PSPC1: variants seen among roughly 807,000 people sequenced by gnomAD.
The protein encoded by PSPC1 is paraspeckle component 1.
Under a neutral mutation model 51.6 loss-of-function variants are expected in PSPC1, and 14 were observed. The observed-to-expected ratio is 0.27, with a 90% CI of 0.18 to 0.42. The LOEUF (loss-of-function observed/expected upper bound fraction) is 0.42, where lower values mean the gene tolerates loss of function less well. Ranked by LOEUF, PSPC1 falls within the 10% of genes least tolerant of loss-of-function variation. The pLI, the probability that PSPC1 is intolerant of heterozygous loss-of-function variation, is 1.00. For missense variants in PSPC1, 406 were observed against 701.1 expected, an observed-to-expected ratio of 0.58 and a Z score of 4.75; for synonymous variants, 193 against 231.9, an observed-to-expected ratio of 0.83 and a Z score of 1.53.
chr13:19,724,465 G>C (rs1225920534), intron 6 of PSPC1, among the ~76,000 whole-genome samples: 2 of 152,180 alleles, frequency 1.3e-5, no homozygotes, highest in East Asian at 3.8e-4. Flanking sequence ...CAGGAAAAGA[G>C]GCTGACTGGT....
At chr13:19,698,809 T>C (rs1291066856), downstream of PSPC1, among the ~76,000 whole-genome samples, 2 of 151,990 alleles carry the variant, frequency 1.3e-5, no homozygotes, top group South Asian at 4.1e-4. Flanking sequence ...AAAAAGATTT[T>C]GTTTAATGTG....
At chr13:19,703,769 C>A (rs1255552252) in intron 8 of PSPC1, among the ~76,000 whole-genome samples, 1 of 151,940 alleles carries the variant, frequency 6.6e-6, no homozygotes, top group Non-Finnish European at 1.5e-5. Flanking sequence ...GGAGCAGCAT[C>A]AATTCGGTTT....
At chr13:19,777,107 G>A (rs1334299153) in intron 1 of PSPC1, among the ~76,000 whole-genome samples, 7 of 130,262 alleles carry the variant, frequency 5.4e-5, no homozygotes, top group East Asian at 2.4e-4. Flanking sequence ...GGGTGACAGC[G>A]AGGCTCCATC....
intron 1 of PSPC1, among the ~76,000 whole-genome samples, chr13:19,774,072 T>C (rs1244165817): frequency 6.6e-6 from 1 of 152,190 alleles, no homozygotes; most frequent in Non-Finnish European, 1.5e-5. Context: ...CGCCATTATA[T>C]AAAGTGTACA....
At chr13:19,705,260 C>T (rs1267970738) in intron 8 of PSPC1, among the ~76,000 whole-genome samples, 3 of 152,266 alleles carry the variant, frequency 2.0e-5, no homozygotes, top group Admixed American at 6.5e-5. Context: ...TTTGGGAGGC[C>T]GAGGCGGGCG....
intron 1 of PSPC1, among the ~76,000 whole-genome samples, chr13:19,776,025 T>C (rs1382893803): frequency 1.3e-5 from 2 of 151,546 alleles, no homozygotes; most frequent in Non-Finnish European, 2.9e-5. Flanking sequence ...CACTCCAGCA[T>C]GGGTGACAGA....
intron 2 of PSPC1, among the ~76,000 whole-genome samples, chr13:19,768,371 G>A (rs2138272764): frequency 1.3e-5 from 2 of 152,222 alleles, no homozygotes; most frequent in East Asian, 3.9e-4. Context: ...GCAGGGGACG[G>A]GCGTGGTGGC....
chr13:19,746,708 A>G (rs553320763), intron 4 of PSPC1, among the ~76,000 whole-genome samples: 10 of 152,240 alleles, frequency 6.6e-5, no homozygotes, highest in African/African-American at 2.4e-4. Flanking sequence ...CTCAAAAAAA[A>G]ATTTTTTTTT....
At chr13:19,732,654 G>A (rs984614409) in intron 5 of PSPC1, among the ~76,000 whole-genome samples, 76 of 152,264 alleles carry the variant, frequency 5.0e-4, no homozygotes, top group African/African-American at 1.5e-3. Flanking sequence ...TTGGCAGGGC[G>A]CGGTGGCTCA....
intron 4 of PSPC1, among the ~76,000 whole-genome samples, chr13:19,750,024 G>A (rs1428737033): frequency 6.6e-6 from 1 of 152,060 alleles, no homozygotes; most frequent in Non-Finnish European, 1.5e-5. Flanking sequence ...AGTGATGTAC[G>A]AAATACTAGA....
intron 3 of PSPC1, among the ~76,000 whole-genome samples, chr13:19,759,060 G>T (rs546592422): frequency 6.6e-6 from 1 of 151,900 alleles, no homozygotes; most frequent in Admixed American, 6.6e-5. Context: ...TGAGGCACGA[G>T]AATCACTTGA....
At chr13:19,756,756 A>G (rs1396328838) in intron 3 of PSPC1, among the ~76,000 whole-genome samples, 1 of 151,694 alleles carries the variant, frequency 6.6e-6, no homozygotes, top group African/African-American at 2.4e-5. Flanking sequence ...CGGCCTCCCA[A>G]AGTGCTAGGA....
chr13:19,717,658 A>G (rs1882264873), intron 6 of PSPC1, among the ~76,000 whole-genome samples: 1 of 149,816 alleles, frequency 6.7e-6, no homozygotes, highest in South Asian at 2.1e-4. Context: ...ATGAGCCATG[A>G]TAACACCACT....
chr13:19,690,422 G>A (rs1028498711), intron 6 of PSPC1, among the ~76,000 whole-genome samples: 7 of 152,178 alleles, frequency 4.6e-5, no homozygotes, highest in African/African-American at 1.7e-4. Context: ...TCTCCCATTT[G>A]TGTTGGTTCT....
intron 6 of PSPC1, among the ~76,000 whole-genome samples, chr13:19,722,295 G>A (rs562012028): frequency 6.6e-6 from 1 of 151,388 alleles, no homozygotes; most frequent in African/African-American, 2.4e-5. Flanking sequence ...CCAGGAGTTT[G>A]AGATCAACCT....
At chr13:19,768,769 T>A (rs944741008) in intron 2 of PSPC1, among the ~76,000 whole-genome samples, 1 of 151,106 alleles carries the variant, frequency 6.6e-6, no homozygotes, top group Non-Finnish European at 1.5e-5. Context: ...TGCTCATCAT[T>A]AGTCATCAGG....
intron 6 of PSPC1, among the ~76,000 whole-genome samples, chr13:19,689,162 T>C (rs1297368062): frequency 6.6e-6 from 1 of 152,158 alleles, no homozygotes; most frequent in African/African-American, 2.4e-5. Flanking sequence ...AGAGAAGCAC[T>C]GAGGTCTGAA....
intron 4 of PSPC1, 73 bp from the exon 5 acceptor site, chr13:19,741,722 T>TTCTC: frequency 1.1e-6 from 1 of 940,444 alleles, no homozygotes; most frequent in South Asian, 1.7e-5. Flanking sequence ...AGCATAGAAG[T>TTCTC]TCTCTATCAC....
intron 6 of PSPC1, among the ~76,000 whole-genome samples, chr13:19,679,356 C>T (rs961272190): frequency 6.6e-6 from 1 of 152,108 alleles, no homozygotes. Flanking sequence ...ATTAGCCACA[C>T]GTGGTGGTAC....
Sources: allele counts gnomAD v4.1 joint callset (sites outside exome capture counted in the v4.1 genomes callset), GRCh38; gene constraint gnomAD v4.1.1; transcripts MANE v1.5; gene names NCBI Gene and HGNC (gene_info 2026-07-23, HGNC 2026-07-21).